Variants in TBC1D1 observed in about 807,000 individuals in gnomAD.
The protein encoded by TBC1D1 is TBC1 (tre-2/USP6, BUB2, cdc16) domain family, member 1.
Under a neutral mutation model 125.6 loss-of-function variants are expected in TBC1D1, and 89 were observed. That is an observed-to-expected ratio of 0.71 (90% CI 0.60 to 0.85). TBC1D1 has a LOEUF of 0.85. Ranked by LOEUF, TBC1D1 falls within the 40% of genes least tolerant of loss-of-function variation. The pLI is 0.00. For missense variants in TBC1D1, 1,377 were observed against 1,469.2 expected, an observed-to-expected ratio of 0.94 and a Z score of 1.03; for synonymous variants, 565 against 564.1, an observed-to-expected ratio of 1.00 and a Z score of -0.02.
At chr4:38,010,661 G>A (rs370280132) in intron 2 of TBC1D1, among the ~76,000 whole-genome samples, 1 of 152,126 alleles carries the variant, frequency 6.6e-6, no homozygotes, top group African/African-American at 2.4e-5. Context: ...TGGGTACCAC[G>A]CCCCATCTTC....
chr4:38,133,302 G>C (rs754154791), intron 19 of TBC1D1, 45 bp downstream of exon 21: 87 of 1,574,130 alleles, frequency 5.5e-5, no homozygotes, highest in Non-Finnish European at 7.4e-5. Flanking sequence ...CAAATATATG[G>C]TAGTTCATTA....
intron 12 of TBC1D1, among the ~76,000 whole-genome samples, chr4:38,082,738 C>A (rs971648367): frequency 6.6e-6 from 1 of 152,208 alleles, no homozygotes; most frequent in Non-Finnish European, 1.5e-5. Context: ...CTGGGCTCGC[C>A]CACCCAGGCC....
rs533276883 is a variant in TBC1D1, at chr4:37,903,838, A to G, written c.417+1326A>G. 1.8e-3 allele frequency among the ~76,000 whole-genome samples: 268 copies of G among 152,312 alleles called. 2 individuals carry two copies. Among genetic ancestry groups the G allele is most frequent in the African/African-American group, 5.9e-3 (246 of 41,556 alleles). ...TGTATAGGACATAATGGAAGGACTG[A>G]GAAGGGAGCCTAACACACACCCAAA... On this transcript the variant is annotated intron_variant, in intron 2 of 19. Coordinates refer to ENST00000261439, the MANE Select transcript of TBC1D1 (RefSeq NM_015173.4).
At chr4:38,100,116 C>T (rs75944005) in intron 14 of TBC1D1, among the ~76,000 whole-genome samples, 3,261 of 152,030 alleles carry the variant, frequency 0.021, 55 homozygotes, top group South Asian at 0.055. Flanking sequence ...GGAGGGTGTG[C>T]GTGTGTGTGT....
intron 10 of TBC1D1, 105 bp downstream of exon 10, chr4:38,046,008 A>C: frequency 1.0e-6 from 1 of 999,278 alleles, no homozygotes; most frequent in East Asian, 2.4e-5. Flanking sequence ...CTGCTTGCAA[A>C]TTTCTTGGCA....
chr4:37,917,766 A>G (rs1048344489), intron 2 of TBC1D1, among the ~76,000 whole-genome samples: 2 of 152,176 alleles, frequency 1.3e-5, no homozygotes, highest in African/African-American at 4.8e-5. Flanking sequence ...TATCTGGACT[A>G]TATACTTTTG....
At chr4:37,939,776 G>A (rs1725158501) in intron 2 of TBC1D1, among the ~76,000 whole-genome samples, 1 of 152,208 alleles carries the variant, frequency 6.6e-6, no homozygotes, top group Non-Finnish European at 1.5e-5. Flanking sequence ...TTATTAAATA[G>A]GGAATCCTTT....
intron 15 of TBC1D1, among the ~76,000 whole-genome samples, chr4:38,107,245 C>G (rs540997137): frequency 1.3e-5 from 2 of 152,178 alleles, no homozygotes; most frequent in African/African-American, 4.8e-5. Context: ...CCTGCCTGCC[C>G]GGCTGACTCC....
In TBC1D1 at chr4:38,051,620, AGAGT is replaced by A. The variant is rs559130352; in HGVS notation, c.1910+1726_1910+1729del. ...GCTACCGCACTCCAGCCTGGGTGATAGAGTGAGACCTATTAAAAAAAAAAAGTAT... is the reference window on the plus strand; with the variant it reads ...GCTACCGCACTCCAGCCTGGGTGATAGAGACCTATTAAAAAAAAAAAGTAT... On this transcript the variant is annotated intron_variant, in intron 11 of 19. Coordinates refer to ENST00000261439, the MANE Select transcript of TBC1D1 (RefSeq NM_015173.4). Among the ~76,000 whole-genome samples the A allele has an allele frequency of 2.5e-3, 379 of 152,240 alleles. 1 individual carries two copies. The highest frequency in any genetic ancestry group is 4.7e-3 in the Non-Finnish European group (320 of 68,002).
chr4:38,135,626 C>T (rs12651332), intron 19 of TBC1D1, among the ~76,000 whole-genome samples: 26,882 of 152,160 alleles, frequency 0.18, 2,915 homozygotes, highest in Non-Finnish European at 0.24. Context: ...CAGGCCCTGA[C>T]GATGGGTGGA....
chr4:38,035,572 G>A lies in TBC1D1; in HGVS notation c.1303-16G>A. On this transcript the variant is annotated splice_polypyrimidine_tract_variant and intron_variant, in intron 7 of 19. Transcript: ENST00000261439. ...ACGATTAAAAATAAATCCTGTTTCT[G>A]ATTTTTGTTTTAAAGAAATTGAGAC... The A allele has an allele frequency of 6.3e-7, 1 of 1,598,970 alleles. No homozygotes were observed. Among genetic ancestry groups the A allele is most frequent in the Admixed American group, 1.7e-5 (1 of 59,282 alleles).
At chr4:37,913,610 T>A (rs1035226086) in intron 2 of TBC1D1, among the ~76,000 whole-genome samples, 13 of 149,826 alleles carry the variant, frequency 8.7e-5, no homozygotes, top group African/African-American at 2.7e-4. Context: ...AAAAAATAAA[T>A]ATATATATAT....
At chr4:38,035,905 G>A (rs1747118708) in intron 8 of TBC1D1, among the ~76,000 whole-genome samples, 1 of 152,176 alleles carries the variant, frequency 6.6e-6, no homozygotes, top group Admixed American at 6.5e-5. Flanking sequence ...CCATAGTGGA[G>A]GCAGAACAGT....
intron 15 of TBC1D1, among the ~76,000 whole-genome samples, chr4:38,112,374 T>A (rs965765627): frequency 6.6e-6 from 1 of 152,252 alleles, no homozygotes; most frequent in South Asian, 2.1e-4. Context: ...TATTTTGCAT[T>A]TGTGCTACAG....
rs1716277147 is a variant in TBC1D1, at chr4:37,902,425, C to T, written c.330C>T (p.Asp110=). ...ACAAACTGATTCACAACAGTCATGA[C>T]CCAAGTTACTTTGCTTGTCTGATTA... The change falls in exon 2 of 20, where the codon GAC becomes GAT. Residue 110 remains aspartate (D), a synonymous_variant. Coordinates refer to ENST00000261439, the MANE Select transcript of TBC1D1 (RefSeq NM_015173.4). 1 of 1,614,132 alleles carries T rather than the reference C, an allele frequency of 6.2e-7. No homozygotes were observed. The highest frequency in any genetic ancestry group is 1.1e-5 in the South Asian group (1 of 91,082).
chr4:37,950,695 T>C (rs1418108422), intron 2 of TBC1D1, among the ~76,000 whole-genome samples: 1 of 151,282 alleles, frequency 6.6e-6, no homozygotes, highest in East Asian at 1.9e-4. Flanking sequence ...ATAGTTTACA[T>C]TAGGACTCAT....
At chr4:38,034,218 G>A (rs1167140437) in intron 7 of TBC1D1, among the ~76,000 whole-genome samples, 9 of 152,226 alleles carry the variant, frequency 5.9e-5, no homozygotes, top group Admixed American at 5.9e-4. Context: ...TGGCATTACT[G>A]CCACTTTCCT....
intron 10 of TBC1D1, among the ~76,000 whole-genome samples, chr4:38,046,232 C>T (rs1460672561): frequency 2.0e-5 from 3 of 151,954 alleles, no homozygotes; most frequent in South Asian, 2.1e-4. Flanking sequence ...ATTAGCCGGG[C>T]GTGGTGGCGG....
At chr4:38,064,687 G>A (rs534316945) in intron 12 of TBC1D1, among the ~76,000 whole-genome samples, 7 of 147,624 alleles carry the variant, frequency 4.7e-5, no homozygotes, top group African/African-American at 1.8e-4. Flanking sequence ...GCAGTGGTGC[G>A]ATCTCCGCTC....
Sources: allele counts gnomAD v4.1 joint callset (sites outside exome capture counted in the v4.1 genomes callset), GRCh38; gene constraint gnomAD v4.1.1; transcripts MANE v1.5; gene names NCBI Gene and HGNC (gene_info 2026-07-23, HGNC 2026-07-21).